The following CRPPA variants were observed in gnomAD, a reference collection of about 807,000 sequenced individuals.
The protein encoded by CRPPA is CDP-L-ribitol pyrophosphorylase A.
CRPPA carries 43 observed loss-of-function variants against 52.0 expected under a neutral mutation model. The observed-to-expected ratio is 0.83, with a 90% confidence interval of 0.65 to 1.07. The LOEUF (loss-of-function observed/expected upper bound fraction) is 1.07, where lower values mean the gene tolerates loss of function less well. CRPPA is among the 50% of genes least tolerant of loss of function. The pLI is 0.00. For synonymous variants in CRPPA, 250 were observed against 203.5 expected, an observed-to-expected ratio of 1.23 and a Z score of -1.94; for missense variants, 629 against 551.7, an observed-to-expected ratio of 1.14 and a Z score of -1.40.
chr7:16,398,823 G>C, intron 2 of CRPPA, among the ~76,000 whole-genome samples: 1 of 152,284 alleles, frequency 6.6e-6, no homozygotes, highest in Middle Eastern at 3.4e-3. Flanking sequence ...TGACCAATAC[G>C]TTTGACACGT....
chr7:16,311,170 A>G (rs575536151), intron 3 of CRPPA, among the ~76,000 whole-genome samples: 2 of 152,284 alleles, frequency 1.3e-5, no homozygotes, highest in Non-Finnish European at 2.9e-5. Flanking sequence ...CAATAAACCT[A>G]CATTGACACA....
At chr7:16,107,744 C>T (rs183771356) in intron 9 of CRPPA, among the ~76,000 whole-genome samples, 1 of 151,706 alleles carries the variant, frequency 6.6e-6, no homozygotes, top group African/African-American at 2.4e-5. Context: ...ATGGTAAGAC[C>T]TAGTATGAGG....
rs57367584 is a variant in CRPPA, at chr7:16,101,036, C to T, written c.1252-9237G>A. Reference sequence around the variant, plus strand: ...CATGGTGGATAAGCTTTTTGATGTGCTGCTGGAATTGGCTTGCCAGTATTT... The same window carrying T: ...CATGGTGGATAAGCTTTTTGATGTGTTGCTGGAATTGGCTTGCCAGTATTT... On this transcript the variant is annotated intron_variant, in intron 9 of 9. Transcript: ENST00000407010. Among the ~76,000 whole-genome samples the T allele has an allele frequency of 3.0e-3, 450 of 152,244 alleles. 2 individuals carry two copies. Among genetic ancestry groups the T allele is most frequent in the African/African-American group, 0.011 (438 of 41,548 alleles).
intron 4 of CRPPA, among the ~76,000 whole-genome samples, chr7:16,304,904 C>A (rs1784875011): frequency 6.6e-6 from 1 of 152,162 alleles, no homozygotes; most frequent in Admixed American, 6.5e-5. Flanking sequence ...ATGTCTTTTA[C>A]TGTCAGATTT....
chr7:16,100,537 A>G (rs141253513), intron 9 of CRPPA, among the ~76,000 whole-genome samples: 2 of 152,320 alleles, frequency 1.3e-5, no homozygotes, highest in East Asian at 3.9e-4. Flanking sequence ...TCTTTGAAAT[A>G]TCGAACGTTT....
intron 2 of CRPPA, 112 bp downstream of exon 2, chr7:16,405,949 T>C (rs1053353016): frequency 3.0e-5 from 29 of 951,774 alleles, no homozygotes; most frequent in Non-Finnish European, 4.1e-5. Context: ...CTTTAGGTCA[T>C]CATGCACATT....
At chr7:16,233,565 A>C (rs753717318) in intron 8 of CRPPA, among the ~76,000 whole-genome samples, 1 of 152,198 alleles carries the variant, frequency 6.6e-6, no homozygotes, top group Non-Finnish European at 1.5e-5. Context: ...TACAGTGACT[A>C]ATACAAAAAA....
intron 3 of CRPPA, among the ~76,000 whole-genome samples, chr7:16,339,353 A>AG (rs1286888143): frequency 6.6e-6 from 1 of 152,176 alleles, no homozygotes; most frequent in African/African-American, 2.4e-5. Context: ...ACCATGACCA[A>AG]GGGGGATCTA....
chr7:16,226,468 T>G (rs1213068916), intron 8 of CRPPA, among the ~76,000 whole-genome samples: 1 of 151,870 alleles, frequency 6.6e-6, no homozygotes, highest in Non-Finnish European at 1.5e-5. Context: ...GTACATCATG[T>G]GATAGAGCAG....
intron 9 of CRPPA, among the ~76,000 whole-genome samples, chr7:16,105,510 G>A (rs1276317014): frequency 6.6e-6 from 1 of 152,142 alleles, no homozygotes; most frequent in African/African-American, 2.4e-5. Flanking sequence ...ATAGAAAACA[G>A]TAGTGAAAAT....
chr7:16,380,572 T>C (rs1202354630), intron 2 of CRPPA, among the ~76,000 whole-genome samples: 1 of 152,158 alleles, frequency 6.6e-6, no homozygotes, highest in African/African-American at 2.4e-5. Flanking sequence ...ATGGTACCAG[T>C]TCTTCCTTGT....
chr7:16,237,617 G>A (rs1295172), intron 8 of CRPPA, among the ~76,000 whole-genome samples: 121,085 of 152,104 alleles, frequency 0.8, 48,922 homozygotes, highest in African/African-American at 0.94. Flanking sequence ...TTGTACTATT[G>A]TACTGCAGTA....
At chr7:16,186,057 G>A (rs1354641197) in intron 9 of CRPPA, among the ~76,000 whole-genome samples, 1 of 152,084 alleles carries the variant, frequency 6.6e-6, no homozygotes, top group Non-Finnish European at 1.5e-5. Flanking sequence ...AGTCCTCCAG[G>A]ACATACAAAT....
At chr7:16,107,752 A>G (rs1319030706) in intron 9 of CRPPA, among the ~76,000 whole-genome samples, 1 of 152,124 alleles carries the variant, frequency 6.6e-6, no homozygotes, top group African/African-American at 2.4e-5. Context: ...ACCTAGTATG[A>G]GGGTTTTATA....
intron 2 of CRPPA, among the ~76,000 whole-genome samples, chr7:16,377,367 C>T (rs1183179133): frequency 6.6e-6 from 1 of 152,126 alleles, no homozygotes; most frequent in African/African-American, 2.4e-5. Flanking sequence ...GAAGATAAGA[C>T]AGGAAGGAAA....
intron 8 of CRPPA, among the ~76,000 whole-genome samples, chr7:16,228,941 T>C (rs1782720415): frequency 6.6e-6 from 1 of 152,038 alleles, no homozygotes; most frequent in African/African-American, 2.4e-5. Flanking sequence ...TCCCTTCAGA[T>C]CTATTAATAT....
chr7:16,234,453 TA>T (rs1782886118), intron 8 of CRPPA, among the ~76,000 whole-genome samples: 2 of 152,102 alleles, frequency 1.3e-5, no homozygotes, highest in Non-Finnish European at 2.9e-5. Flanking sequence ...AACGTTTTTC[TA>T]AAAGGCAAAA....
At chr7:16,191,598 A>C (rs1781611938) in intron 9 of CRPPA, among the ~76,000 whole-genome samples, 1 of 152,098 alleles carries the variant, frequency 6.6e-6, no homozygotes, top group Admixed American at 6.6e-5. Flanking sequence ...CTTGATACTT[A>C]TTTGCTAAAA....
At chr7:16,163,562 T>C (rs754058794) in intron 9 of CRPPA, among the ~76,000 whole-genome samples, 5 of 152,226 alleles carry the variant, frequency 3.3e-5, no homozygotes, top group Non-Finnish European at 7.3e-5. Context: ...GTCATTATGA[T>C]ACTAGCTGGT....
Sources: gnomAD v4.1 joint callset for allele counts (sites outside exome capture counted in the v4.1 genomes callset) on GRCh38, gnomAD v4.1.1 for gene constraint, MANE v1.5 for transcripts, NCBI Gene and HGNC (gene_info 2026-07-23, HGNC 2026-07-21) for gene names.